The following PRKAR2B variants were observed in gnomAD, a reference collection of about 807,000 sequenced individuals.
PRKAR2B encodes the protein cAMP-dependent protein kinase type II-beta regulatory subunit.
In PRKAR2B, 14 loss-of-function variants were observed where a neutral mutation model predicts 49.9. The observed-to-expected ratio is 0.28, with a 90% confidence interval of 0.19 to 0.44. The LOEUF (loss-of-function observed/expected upper bound fraction) is 0.44, where lower values mean the gene tolerates loss of function less well. Among genes scored for constraint, PRKAR2B ranks in the 20% least tolerant of loss-of-function variants. PRKAR2B has a pLI of 1.00. For synonymous variants in PRKAR2B, 196 were observed against 197.7 expected (o/e 0.99, Z 0.07); for missense variants, 393 against 537.9 (o/e 0.73, Z 2.67).
chr7:107,058,669 T>TC (rs1793962621), intron 1 of PRKAR2B, among the ~76,000 whole-genome samples: 1 of 152,200 alleles, frequency 6.6e-6, no homozygotes, highest in Non-Finnish European at 1.5e-5. Flanking sequence ...TTCTTGTAAT[T>TC]CCTTAAATGG....
At chr7:107,077,411 C>T (rs1043254115) in intron 2 of PRKAR2B, 1 of 152,194 alleles carries the variant, frequency 6.6e-6, no homozygotes, top group African/African-American at 2.4e-5. Context: ...AGAAAACATA[C>T]AGTTTTTCCA....
intron 2 of PRKAR2B, among the ~76,000 whole-genome samples, chr7:107,081,399 C>T (rs1794511107): frequency 1.3e-5 from 2 of 149,558 alleles, no homozygotes; most frequent in South Asian, 4.3e-4. Flanking sequence ...CAAATGCAGT[C>T]CCTCCCACCC....
At chr7:107,067,625 A>G (rs1794179735) in intron 1 of PRKAR2B, among the ~76,000 whole-genome samples, 1 of 152,228 alleles carries the variant, frequency 6.6e-6, no homozygotes, top group Non-Finnish European at 1.5e-5. Flanking sequence ...CATGTACTCA[A>G]GAAGACAGTG....
At chr7:107,055,119 A>G (rs1001241701) in intron 1 of PRKAR2B, among the ~76,000 whole-genome samples, 17 of 152,180 alleles carry the variant, frequency 1.1e-4, no homozygotes, top group Non-Finnish European at 2.4e-4. Context: ...AGCTTCATCC[A>G]TGTCCCTGCA....
In PRKAR2B at chr7:107,052,327, A is replaced by T. The variant is rs1225054042; in HGVS notation, c.307+7113A>T. Among the ~76,000 whole-genome samples the T allele has an allele frequency of 3.3e-5, 5 of 152,270 alleles. No individual in the cohort carries two copies. The South Asian group carries it at 6.2e-4, about 19-fold the overall frequency. ...CAGCTGCTTGGGAGGCTGAAGCAGG[A>T]GAATCGCTTGAACCCTGGAGACGGA... On this transcript the variant is annotated intron_variant, in intron 1 of 10. Coordinates refer to ENST00000265717, the MANE Select transcript of PRKAR2B (RefSeq NM_002736.3).
chr7:107,130,531 T>A (rs564406843), intron 4 of PRKAR2B, among the ~76,000 whole-genome samples: 1 of 151,662 alleles, frequency 6.6e-6, no homozygotes, highest in Non-Finnish European at 1.5e-5. Flanking sequence ...AAATAAAAAA[T>A]AAAAAAAAGT....
chr7:107,050,829 C>G (rs569968729), intron 1 of PRKAR2B, among the ~76,000 whole-genome samples: 2 of 152,142 alleles, frequency 1.3e-5, no homozygotes, highest in Admixed American at 1.3e-4. Context: ...ATTCGTCTTA[C>G]ATTTACTCTC....
intron 1 of PRKAR2B, among the ~76,000 whole-genome samples, chr7:107,052,342 C>T (rs920178246): frequency 1.3e-5 from 2 of 152,108 alleles, no homozygotes; most frequent in Non-Finnish European, 2.9e-5. Context: ...CGCTTGAACC[C>T]TGGAGACGGA....
chr7:107,157,472 A>G lies in PRKAR2B; in HGVS notation c.1123+148A>G, dbSNP rs1411328974. On this transcript the variant is annotated intron_variant, in intron 10 of 10. Transcript: ENST00000265717. ...AGATTAGGACTCATTGCCTTATAAA[A>G]TCAATTTGTGGAAGCCATTTTTTCT... 11 of 1,075,252 alleles carry G rather than the reference A, an allele frequency of 1.0e-5. No individual in the cohort carries two copies. The African/African-American group carries it at 1.5e-4, about 14-fold the overall frequency. The allele number at this position is 1,075,252 out of a possible 1,614,324, so 66.6% of individuals were successfully genotyped here. A position where few individuals can be genotyped will look rare whatever the true frequency, so the allele number is the denominator to read the frequency against.
intron 3 of PRKAR2B, among the ~76,000 whole-genome samples, chr7:107,127,729 AT>A (rs1795524545): frequency 6.6e-6 from 1 of 152,260 alleles, no homozygotes; most frequent in Admixed American, 6.5e-5. Context: ...ACATTTAAAC[AT>A]TTTACTTCTT....
chr7:107,090,379 A>C (rs1438416500), intron 2 of PRKAR2B, among the ~76,000 whole-genome samples: 1 of 152,176 alleles, frequency 6.6e-6, no homozygotes, highest in South Asian at 2.1e-4. Context: ...AGGCTTCCCC[A>C]AAATCCCAGG....
At chr7:107,084,200 A>C (rs536830147) in intron 2 of PRKAR2B, among the ~76,000 whole-genome samples, 1 of 152,246 alleles carries the variant, frequency 6.6e-6, no homozygotes, top group East Asian at 1.9e-4. Context: ...GAAGCATTTA[A>C]ATTATTGTGC....
At chr7:107,122,619 C>T (rs879728638) in intron 3 of PRKAR2B, among the ~76,000 whole-genome samples, 4 of 152,154 alleles carry the variant, frequency 2.6e-5, no homozygotes, top group Non-Finnish European at 5.9e-5. Flanking sequence ...CTGCGTCACC[C>T]TCCCCCCCTT....
intron 1 of PRKAR2B, among the ~76,000 whole-genome samples, chr7:107,049,842 A>G (rs1303951080): frequency 6.6e-6 from 1 of 152,220 alleles, no homozygotes; most frequent in Admixed American, 6.5e-5. Context: ...TTAGAGATTT[A>G]CATGGTGGTT....
chr7:107,126,420 C>CAAAA (rs35682952), intron 3 of PRKAR2B, among the ~76,000 whole-genome samples: 46 of 38,386 alleles, frequency 1.2e-3, no homozygotes, highest in African/African-American at 3.5e-3. Flanking sequence ...GAATCTGTCT[C>CAAAA]AAAAAAAAAA....
intron 2 of PRKAR2B, among the ~76,000 whole-genome samples, chr7:107,101,389 C>G (rs1794963354): frequency 6.6e-6 from 1 of 152,122 alleles, no homozygotes; most frequent in Admixed American, 6.6e-5. Flanking sequence ...CTAGCTTTTA[C>G]TTTCTGCCAA....
At chr7:107,048,760 T>C (rs1297065547) in intron 1 of PRKAR2B, among the ~76,000 whole-genome samples, 1 of 152,190 alleles carries the variant, frequency 6.6e-6, no homozygotes, top group Non-Finnish European at 1.5e-5. Flanking sequence ...AAGGATCCCT[T>C]CCTCTTCTAA....
At chr7:107,099,325 G>C (rs1794910352) in intron 2 of PRKAR2B, among the ~76,000 whole-genome samples, 2 of 152,188 alleles carry the variant, frequency 1.3e-5, no homozygotes, top group South Asian at 4.1e-4. Flanking sequence ...CCAGGCGCGG[G>C]ATATAATCTC....
intron 5 of PRKAR2B, among the ~76,000 whole-genome samples, chr7:107,144,356 G>T (rs971022076): frequency 2.6e-5 from 4 of 151,840 alleles, no homozygotes; most frequent in African/African-American, 9.7e-5. Flanking sequence ...AAAGTTCTGG[G>T]ATTACAGGCG....
Sources: gnomAD v4.1 joint callset for allele counts (sites outside exome capture counted in the v4.1 genomes callset) on GRCh38, gnomAD v4.1.1 for gene constraint, MANE v1.5 for transcripts, NCBI Gene and HGNC (gene_info 2026-07-23, HGNC 2026-07-21) for gene names.